HPSE2: variants seen among roughly 807,000 people sequenced by gnomAD.
HPSE2 encodes heparanase 2 (inactive).
In HPSE2, 38 loss-of-function variants were observed where a neutral mutation model predicts 60.5. The ratio of observed to expected loss-of-function variants is 0.63; its 90% CI spans 0.48 to 0.82. The LOEUF (loss-of-function observed/expected upper bound fraction) is 0.82, where lower values mean the gene tolerates loss of function less well. Ranked by LOEUF, HPSE2 falls within the 40% of genes least tolerant of loss-of-function variation. The pLI is 0.00. For missense variants in HPSE2, 713 were observed against 740.4 expected, an observed-to-expected ratio of 0.96 and a Z score of 0.43; for synonymous variants, 295 against 293.2, an observed-to-expected ratio of 1.01 and a Z score of -0.06.
At chr10:98,518,125 A>C (rs1192424629) in intron 9 of HPSE2, among the ~76,000 whole-genome samples, 1 of 152,186 alleles carries the variant, frequency 6.6e-6, no homozygotes, top group Non-Finnish European at 1.5e-5. Context: ...TGTGACTTAC[A>C]GTTTTTGCCT....
chr10:98,948,750 G>A (rs894405987), intron 3 of HPSE2, among the ~76,000 whole-genome samples: 1 of 151,980 alleles, frequency 6.6e-6, no homozygotes, highest in African/African-American at 2.4e-5. Context: ...CCCTGAGACA[G>A]CAAGACCACC....
intron 7 of HPSE2, among the ~76,000 whole-genome samples, chr10:98,638,359 G>A (rs1196634453): frequency 6.7e-6 from 1 of 149,434 alleles, no homozygotes. Context: ...GCAGGAGAAA[G>A]GTGTGAACCC....
At chr10:98,740,464 T>C (rs1476770835) in intron 4 of HPSE2, among the ~76,000 whole-genome samples, 1 of 152,136 alleles carries the variant, frequency 6.6e-6, no homozygotes, top group Non-Finnish European at 1.5e-5. Flanking sequence ...TGAGCAACCA[T>C]GCCTGGCCGA....
At chr10:98,573,948 G>C (rs917258438) in intron 9 of HPSE2, among the ~76,000 whole-genome samples, 1 of 151,964 alleles carries the variant, frequency 6.6e-6, no homozygotes, top group Non-Finnish European at 1.5e-5. Flanking sequence ...ATGGCTTTTA[G>C]TATATTCACA....
intron 4 of HPSE2, among the ~76,000 whole-genome samples, chr10:98,740,260 C>T (rs1258914582): frequency 6.6e-6 from 1 of 151,332 alleles, no homozygotes; most frequent in Non-Finnish European, 1.5e-5. Flanking sequence ...ACTGCAGCCT[C>T]AACCTCCCAG....
At chr10:99,154,635 C>A (rs1303936994) in intron 2 of HPSE2, among the ~76,000 whole-genome samples, 1 of 151,740 alleles carries the variant, frequency 6.6e-6, no homozygotes, top group African/African-American at 2.4e-5. Context: ...CCGGTACCAG[C>A]CGCTGCAAAA....
intron 3 of HPSE2, among the ~76,000 whole-genome samples, chr10:98,903,453 TA>T (rs1285256933): frequency 2.0e-5 from 3 of 152,030 alleles, no homozygotes; most frequent in South Asian, 2.1e-4. Flanking sequence ...ATGTTAAAGA[TA>T]AAAAAATAAA....
chr10:98,632,298 C>A (rs932240273), intron 7 of HPSE2, among the ~76,000 whole-genome samples: 5 of 152,112 alleles, frequency 3.3e-5, no homozygotes, highest in Non-Finnish European at 7.4e-5. Flanking sequence ...GCATTTTTCA[C>A]AATTCAATGC....
upstream of HPSE2, among the ~76,000 whole-genome samples, chr10:99,236,453 C>G (rs1431013806): frequency 6.6e-6 from 1 of 152,146 alleles, no homozygotes; most frequent in Admixed American, 6.5e-5. Context: ...GCACTTCGTC[C>G]GCTCAGGGCC....
chr10:98,939,628 T>A (rs1954926424), intron 3 of HPSE2, among the ~76,000 whole-genome samples: 2 of 143,008 alleles, frequency 1.4e-5, no homozygotes, highest in Non-Finnish European at 3.0e-5. Context: ...CACACAATAA[T>A]AATGGGAGAT....
At chr10:98,997,443 A>G (rs993710701) in intron 3 of HPSE2, among the ~76,000 whole-genome samples, 1 of 152,042 alleles carries the variant, frequency 6.6e-6, no homozygotes, top group Non-Finnish European at 1.5e-5. Context: ...TCCACACTCA[A>G]TGCAATGACT....
chr10:99,228,220 A>C (rs948281519), intron 2 of HPSE2, among the ~76,000 whole-genome samples: 16 of 152,164 alleles, frequency 1.1e-4, no homozygotes, highest in African/African-American at 2.9e-4. Context: ...GCTGTAATAA[A>C]AGGTATATGG....
At chr10:98,614,839 C>T (rs1195203831) in intron 9 of HPSE2, 65 bp downstream of exon 9, 9 of 1,069,884 alleles carry the variant, frequency 8.4e-6, no homozygotes, top group Non-Finnish European at 1.0e-5. Flanking sequence ...TAGTATGGAA[C>T]AAGGCATGAT....
intron 3 of HPSE2, among the ~76,000 whole-genome samples, chr10:98,781,397 T>C (rs1190695221): frequency 1.3e-5 from 2 of 150,930 alleles, no homozygotes; most frequent in Non-Finnish European, 2.9e-5. Flanking sequence ...TTTATGACAG[T>C]TTAAATTTAT....
chr10:98,795,496 G>C (rs1212343131), intron 3 of HPSE2, among the ~76,000 whole-genome samples: 2 of 152,214 alleles, frequency 1.3e-5, no homozygotes, highest in Non-Finnish European at 2.9e-5. Flanking sequence ...TAGCCAGAGG[G>C]AAATCACCTA....
chr10:98,522,643 T>C (rs1942835213), intron 9 of HPSE2, among the ~76,000 whole-genome samples: 1 of 152,054 alleles, frequency 6.6e-6, no homozygotes, highest in Non-Finnish European at 1.5e-5. Context: ...CCCGGCTAAT[T>C]TTTTTGGATT....
intron 5 of HPSE2, among the ~76,000 whole-genome samples, chr10:98,708,618 AT>A (rs1230373921): frequency 6.6e-6 from 1 of 152,128 alleles, no homozygotes; most frequent in Non-Finnish European, 1.5e-5. Context: ...TGTAAGCTAC[AT>A]TTTTTCCTTT....
At chr10:99,313,640 G>C in the HPSE2 span, among the ~76,000 whole-genome samples, 5 of 114,622 alleles carry the variant, frequency 4.4e-5, no homozygotes, top group Non-Finnish European at 6.5e-5. Context: ...TCACTCTGTC[G>C]CCAGGCCGGA....
Position 99,235,831 on chromosome 10 carries a change from C to T in HPSE2, c.-29G>A. ...ATCCCTCTGATTTAAACCTCTCTTC[C>T]TACTGGGTCTCGCTAGTGACTAATT... is the stretch of plus-strand genomic sequence containing the variant. On this transcript the variant is annotated 5_prime_UTR_variant, in exon 1 of 12. Transcript: ENST00000370552. The T allele has an allele frequency of 6.3e-7, 1 of 1,599,554 alleles. No homozygotes were observed.
Sources: allele counts gnomAD v4.1 joint callset (sites outside exome capture counted in the v4.1 genomes callset), GRCh38; gene constraint gnomAD v4.1.1; transcripts MANE v1.5; gene names NCBI Gene and HGNC (gene_info 2026-07-23, HGNC 2026-07-21).